PCDHGA3: variants seen among roughly 807,000 people sequenced by gnomAD.
The protein encoded by PCDHGA3 is protocadherin gamma subfamily A, 3.
A neutral mutation model predicts 58.5 loss-of-function variants in PCDHGA3; 40 were observed. The ratio of observed to expected loss-of-function variants is 0.68; its 90% CI spans 0.53 to 0.89. PCDHGA3 has a LOEUF of 0.89. Among genes scored for constraint, PCDHGA3 ranks in the 40% least tolerant of loss-of-function variants. The probability of loss-of-function intolerance (pLI) is 0.00; values close to 1 mark genes in which losing one functional copy is unlikely to be tolerated. For synonymous variants in PCDHGA3, 530 were observed against 525.7 expected (o/e 1.01, Z -0.11); for missense variants, 1,223 against 1,195.9 (o/e 1.02, Z -0.33).
intron 1 of PCDHGA3, chr5:141,413,467 G>C: frequency 1.2e-6 from 2 of 1,614,136 alleles, no homozygotes; most frequent in East Asian, 2.2e-5. Context: ...AGACCGGGAG[G>C]AGCTCTGCGC....
Position 141,463,645 on chromosome 5 carries a change from G to T in PCDHGA3, c.2425-31162G>T, listed in dbSNP as rs372962993. ...TTGTATTTTGTTTAGTAGAGACGGG[G>T]TTTCACCGTGTTAGCCAGGATGGTC... On this transcript the variant is annotated intron_variant, in intron 1 of 3. Transcript: ENST00000253812. 7.9e-5 allele frequency among the ~76,000 whole-genome samples: 12 copies of T among 151,840 alleles called. No individual in the cohort carries two copies. In the East Asian group the frequency reaches 2.1e-3, roughly 27 times the overall value.
chr5:141,437,306 C>T (rs1462689998), intron 1 of PCDHGA3, among the ~76,000 whole-genome samples: 1 of 152,104 alleles, frequency 6.6e-6, no homozygotes, highest in Non-Finnish European at 1.5e-5. Flanking sequence ...CAAGTTAAAG[C>T]GTTCAGCTAT....
chr5:141,488,815 T>A (rs769851687), intron 1 of PCDHGA3, among the ~76,000 whole-genome samples: 30 of 152,144 alleles, frequency 2.0e-4, no homozygotes, highest in Non-Finnish European at 4.1e-4. Context: ...ATCTGAGCTG[T>A]CAAACTTTGC....
chr5:141,432,137 T>A lies in PCDHGA3; in HGVS notation c.2425-62670T>A. On this transcript the variant is annotated intron_variant, in intron 1 of 3. Coordinates refer to ENST00000253812, the MANE Select transcript of PCDHGA3 (RefSeq NM_018916.4). The surrounding 1 kb of genome is among the most constrained non-coding windows in gnomAD (Gnocchi z 6.0). ...CTTCCCTCAGGCCTCCTATTCCGCT[T>A]ATATCCCAGAGAACAATCCCAGAGG... 6.2e-7 allele frequency: 1 copy of A among 1,613,964 alleles called. No homozygotes were observed. Among genetic ancestry groups the A allele is most frequent in the Non-Finnish European group, 8.5e-7 (1 of 1,179,984 alleles).
chr5:141,360,472 C>G, intron 1 of PCDHGA3: 1 of 1,613,884 alleles, frequency 6.2e-7, no homozygotes, highest in Non-Finnish European at 8.5e-7. Flanking sequence ...CGCTGAAAAT[C>G]CACTAAATAT....
chr5:141,465,021 C>A (rs974818222), intron 1 of PCDHGA3, among the ~76,000 whole-genome samples: 1 of 152,100 alleles, frequency 6.6e-6, no homozygotes, highest in Non-Finnish European at 1.5e-5. Flanking sequence ...AGATTACAGC[C>A]ATGAACCACC....
intron 1 of PCDHGA3, among the ~76,000 whole-genome samples, chr5:141,464,934 G>T (rs1353581045): frequency 1.3e-5 from 2 of 151,416 alleles, no homozygotes; most frequent in African/African-American, 4.8e-5. Flanking sequence ...GAGATGTGAG[G>T]TCTCACTATG....
rs1231167998 is a variant in PCDHGA3, at chr5:141,399,197, T to C, written c.2424+52740T>C. 1.9e-6 allele frequency: 3 copies of C among 1,613,808 alleles called. No individual in the cohort carries two copies. In the African/African-American group the frequency reaches 4.0e-5, roughly 22 times the overall value. On this transcript the variant is annotated intron_variant, in intron 1 of 3. Transcript: ENST00000253812. ...CTTGAAATGATTCTGGAAAACGCGGTGCCTGGAACACTAATTGCTTTGATC... is the reference window on the plus strand; with the variant it reads ...CTTGAAATGATTCTGGAAAACGCGGCGCCTGGAACACTAATTGCTTTGATC...
At chr5:141,422,141 G>A (rs1441509284) in intron 1 of PCDHGA3, 9 of 1,583,068 alleles carry the variant, frequency 5.7e-6, no homozygotes, top group Middle Eastern at 1.7e-4. Context: ...GTTCAAGTAC[G>A]GGGGTCTCTG....
intron 1 of PCDHGA3, among the ~76,000 whole-genome samples, chr5:141,407,384 G>A (rs911492449): frequency 1.3e-5 from 2 of 152,182 alleles, no homozygotes; most frequent in Non-Finnish European, 2.9e-5. Flanking sequence ...AGGCTTGTAT[G>A]TCATGGTAGG....
At chr5:141,468,841 G>C (rs1189145481) in intron 1 of PCDHGA3, among the ~76,000 whole-genome samples, 3 of 152,014 alleles carry the variant, frequency 2.0e-5, no homozygotes, top group Non-Finnish European at 4.4e-5. Flanking sequence ...ACTCCAGCCT[G>C]GGCAACAGAG....
intron 1 of PCDHGA3, among the ~76,000 whole-genome samples, chr5:141,380,809 T>G (rs1475702152): frequency 6.6e-6 from 1 of 152,192 alleles, no homozygotes; most frequent in Non-Finnish European, 1.5e-5. Flanking sequence ...AAATGTGAGA[T>G]GAAACTATGA....
intron 1 of PCDHGA3, chr5:141,351,085 C>T (rs760611278): frequency 4.3e-6 from 7 of 1,614,034 alleles, no homozygotes; most frequent in African/African-American, 1.3e-5. Flanking sequence ...CAGAGATCAC[C>T]TATGCCTTCC....
At chr5:141,494,161 T>G (rs1420295862) in intron 1 of PCDHGA3, among the ~76,000 whole-genome samples, 3 of 152,052 alleles carry the variant, frequency 2.0e-5, no homozygotes, top group African/African-American at 7.3e-5. Flanking sequence ...TGGCACGGAG[T>G]TCTAGGGGTG....
At chr5:141,374,942 A>C (rs758134474) in intron 1 of PCDHGA3, 3 of 1,614,044 alleles carry the variant, frequency 1.9e-6, no homozygotes, top group Non-Finnish European at 2.5e-6. Flanking sequence ...GATTACAGAA[A>C]AGATCTCACA....
At chr5:141,470,383 G>A (rs569789033) in intron 1 of PCDHGA3, among the ~76,000 whole-genome samples, 7 of 152,246 alleles carry the variant, frequency 4.6e-5, no homozygotes, top group South Asian at 2.1e-4. Context: ...AAGACTACTC[G>A]ATGATATTTA....
intron 1 of PCDHGA3, among the ~76,000 whole-genome samples, chr5:141,357,914 G>A (rs1588531093): frequency 6.6e-6 from 1 of 152,274 alleles, no homozygotes; most frequent in East Asian, 1.9e-4. Flanking sequence ...TCTGTGCTGG[G>A]TGTGGTGGCT....
chr5:141,383,911 T>C, intron 1 of PCDHGA3: 1 of 1,613,926 alleles, frequency 6.2e-7, no homozygotes, highest in Non-Finnish European at 8.5e-7. Context: ...GATCACAGTT[T>C]TAGATGTAAA....
intron 1 of PCDHGA3, chr5:141,421,347 C>G: frequency 6.2e-7 from 1 of 1,613,948 alleles, no homozygotes; most frequent in Non-Finnish European, 8.5e-7. Flanking sequence ...CAGAAGAGAC[C>G]GAAAAGGGCT....
Sources: gnomAD v4.1 joint callset for allele counts (sites outside exome capture counted in the v4.1 genomes callset) on GRCh38, gnomAD v4.1.1 for gene constraint, Gnocchi (gnomAD v3.1) non-coding constraint, MANE v1.5 for transcripts, NCBI Gene and HGNC (gene_info 2026-07-23, HGNC 2026-07-21) for gene names.